Variants in DLGAP1 observed in about 807,000 individuals in gnomAD.
The protein encoded by DLGAP1 is DLG associated protein 1.
Under a neutral mutation model 90.8 loss-of-function variants are expected in DLGAP1, and 11 were observed. The observed-to-expected ratio is 0.12, with a 90% CI of 0.08 to 0.20. The LOEUF (loss-of-function observed/expected upper bound fraction) is 0.20, where lower values mean the gene tolerates loss of function less well. Ranked by LOEUF, DLGAP1 falls within the 10% of genes least tolerant of loss-of-function variation. The pLI, the probability that DLGAP1 is intolerant of heterozygous loss-of-function variation, is 1.00. For synonymous variants in DLGAP1, 558 were observed against 540.7 expected (o/e 1.03, Z -0.44); for missense variants, 1,050 against 1,333.8 (o/e 0.79, Z 3.31).
chr18:4,088,669 T>C (rs1011623513), intron 2 of DLGAP1, among the ~76,000 whole-genome samples: 3 of 152,156 alleles, frequency 2.0e-5, no homozygotes, highest in Non-Finnish European at 4.4e-5. Context: ...GAGTTGATTT[T>C]TTTCCTCCAG....
rs753330423 is a variant in DLGAP1, at chr18:3,597,763, G to A, written c.1592-15515C>T. On this transcript the variant is annotated intron_variant, in intron 7 of 12. Coordinates refer to ENST00000315677, the MANE Select transcript of DLGAP1 (RefSeq NM_004746.4). ...ACAGGATGCATGGTGAAGTGAAGAA[G>A]AAAGAAAATGCATCCACCGTTCCTT... 2.6e-4 allele frequency: 41 copies of A among 157,420 alleles called. 1 individual carries two copies. The highest frequency in any genetic ancestry group is 1.8e-4 in the Non-Finnish European group (13 of 71,688). 9.8% of individuals were successfully genotyped at this position (157,420 alleles called of 1,614,324 possible). A position where few individuals can be genotyped will look rare whatever the true frequency, so the allele number is the denominator to read the frequency against.
At chr18:4,407,965 A>G (rs1261315088) in intron 1 of DLGAP1, among the ~76,000 whole-genome samples, 1 of 152,208 alleles carries the variant, frequency 6.6e-6, no homozygotes, top group African/African-American at 2.4e-5. Context: ...AGCAGGTGCT[A>G]TCATACACTC....
intron 1 of DLGAP1, among the ~76,000 whole-genome samples, chr18:4,228,043 C>T (rs564504861): frequency 1.8e-4 from 27 of 150,842 alleles, no homozygotes; most frequent in South Asian, 8.3e-4. Context: ...CACTGAAATT[C>T]AAATGATCAT....
Position 4,454,165 on chromosome 18 carries a change from G to A in DLGAP1, c.-267+841C>T, listed in dbSNP as rs1407269105. ...CGCAGCAGCCGAAGTCCTGAAAGCA[G>A]GGTCTTCATCGCCGCGGGCCCTCCG... On this transcript the variant is annotated intron_variant, in intron 1 of 12. Coordinates refer to ENST00000315677, the MANE Select transcript of DLGAP1 (RefSeq NM_004746.4). This position sits in a 1 kb window ranked among gnomAD's most constrained non-coding sequence, Gnocchi z 4.7. 6.6e-6 allele frequency among the ~76,000 whole-genome samples: 1 copy of A among 152,230 alleles called. No individual in the cohort carries two copies. The highest frequency in any genetic ancestry group is 1.5e-5 in the Non-Finnish European group (1 of 68,048).
At chr18:3,811,629 G>C (rs540077262) in intron 5 of DLGAP1, among the ~76,000 whole-genome samples, 27 of 152,288 alleles carry the variant, frequency 1.8e-4, no homozygotes, top group Middle Eastern at 3.4e-3. Context: ...GTCTGAAGGA[G>C]CTGACCCTCT....
In DLGAP1 at chr18:3,498,240, T is replaced by C. The variant is rs928734050; in HGVS notation, c.*945A>G. 6.6e-6 allele frequency: 1 copy of C among 152,112 alleles called. No homozygotes were observed. Among genetic ancestry groups the C allele is most frequent in the South Asian group, 2.1e-4 (1 of 4,812 alleles). The allele number at this position is 152,112 out of a possible 1,614,324, so 9.4% of individuals were successfully genotyped here. On this transcript the variant is annotated 3_prime_UTR_variant, in exon 13 of 13. Transcript: ENST00000315677. The stretch of plus-strand genomic sequence containing the variant: ...CCTGGATGGACACTTAACAAATTAA[T>C]AGAACCAACACTTTCCCTTTAAAAA...
intron 1 of DLGAP1, among the ~76,000 whole-genome samples, chr18:4,329,562 T>A (rs536718685): frequency 6.6e-6 from 1 of 152,066 alleles, no homozygotes; most frequent in African/African-American, 2.4e-5. Context: ...TTCACTAGGA[T>A]TACATTGAAA....
chr18:4,331,981 A>G (rs2143738343), intron 1 of DLGAP1, among the ~76,000 whole-genome samples: 1 of 152,050 alleles, frequency 6.6e-6, no homozygotes, highest in Admixed American at 6.5e-5. Context: ...CAAGGAGCTT[A>G]CAATTCAATG....
chr18:3,838,692 C>G (rs903142678), intron 4 of DLGAP1, among the ~76,000 whole-genome samples: 4 of 152,042 alleles, frequency 2.6e-5, no homozygotes, highest in Non-Finnish European at 4.4e-5. Flanking sequence ...GATGCTTTAC[C>G]ATTACTTTTA....
At chr18:4,314,739 G>T (rs1232021495) in intron 1 of DLGAP1, among the ~76,000 whole-genome samples, 1 of 152,076 alleles carries the variant, frequency 6.6e-6, no homozygotes, top group African/African-American at 2.4e-5. Flanking sequence ...ACCTTCAGAG[G>T]GATTATGACA....
At chr18:4,237,665 G>A (rs1175907824) in intron 1 of DLGAP1, among the ~76,000 whole-genome samples, 1 of 151,416 alleles carries the variant, frequency 6.6e-6, no homozygotes, top group Non-Finnish European at 1.5e-5. Context: ...TTCAGCAAGA[G>A]GCCCTAAAAG....
chr18:4,412,576 CA>C (rs2082802989), intron 1 of DLGAP1, among the ~76,000 whole-genome samples: 1 of 152,000 alleles, frequency 6.6e-6, no homozygotes, highest in Non-Finnish European at 1.5e-5. Flanking sequence ...GGTCTAGGAC[CA>C]AGTATGGAGA....
intron 9 of DLGAP1, among the ~76,000 whole-genome samples, chr18:3,539,600 A>G (rs2052570219): frequency 1.3e-5 from 2 of 152,194 alleles, no homozygotes; most frequent in African/African-American, 4.8e-5. Flanking sequence ...AGGAGTTTCT[A>G]CCCTCTCCCA....
intron 1 of DLGAP1, among the ~76,000 whole-genome samples, chr18:4,238,943 A>G (rs73942740): frequency 1.3e-5 from 2 of 152,332 alleles, no homozygotes; most frequent in African/African-American, 4.8e-5. Flanking sequence ...AATCATCAAT[A>G]AAAACTTTTC....
At position 3,600,953 on chromosome 18, in the gene DLGAP1, T is replaced by TAGATATAGATATATAGATAG. The variant is rs1329556901; in HGVS notation, c.1592-18706_1592-18705insCTATCTATATATCTATATCT. ...ATAGATATATAGATAGATATATAGA[T>TAGATATAGATATATAGATAG]ATATATAGATATATAGATAGATATA... is the stretch of plus-strand genomic sequence containing the variant. On this transcript the variant is annotated intron_variant, in intron 7 of 12. Transcript: ENST00000315677. Among the ~76,000 whole-genome samples the TAGATATAGATATATAGATAG allele has an allele frequency of 1.8e-4, 11 of 60,410 alleles. 2 individuals are homozygous for TAGATATAGATATATAGATAG. Among genetic ancestry groups the TAGATATAGATATATAGATAG allele is most frequent in the Admixed American group, 5.2e-4 (3 of 5,824 alleles). The allele number at this position is 60,410 out of a possible 152,430, so 39.6% of individuals were successfully genotyped here.
chr18:4,109,304 A>G (rs1417663447), intron 2 of DLGAP1, among the ~76,000 whole-genome samples: 1 of 152,130 alleles, frequency 6.6e-6, no homozygotes, highest in Non-Finnish European at 1.5e-5. Flanking sequence ...CCACTAAAAT[A>G]ATCAACTTTT....
chr18:4,206,503 T>C (rs1325138374), intron 1 of DLGAP1, among the ~76,000 whole-genome samples: 2 of 152,152 alleles, frequency 1.3e-5, no homozygotes, highest in Admixed American at 6.5e-5. Flanking sequence ...GGGTCAGTGA[T>C]GCCCATGGGA....
intron 1 of DLGAP1, among the ~76,000 whole-genome samples, chr18:4,331,760 A>G (rs181374711): frequency 3.9e-5 from 6 of 151,964 alleles, no homozygotes; most frequent in African/African-American, 1.5e-4. Context: ...TTTCTTATCT[A>G]GAGCCTCTGC....
At chr18:3,950,132 A>G (rs1348124187) in intron 3 of DLGAP1, among the ~76,000 whole-genome samples, 1 of 152,216 alleles carries the variant, frequency 6.6e-6, no homozygotes, top group African/African-American at 2.4e-5. Flanking sequence ...CACTTAAAGA[A>G]TAATAGCTTG....
Sources: gnomAD v4.1 joint callset for allele counts (sites outside exome capture counted in the v4.1 genomes callset) on GRCh38, gnomAD v4.1.1 for gene constraint, Gnocchi (gnomAD v3.1) non-coding constraint, MANE v1.5 for transcripts, NCBI Gene and HGNC (gene_info 2026-07-23, HGNC 2026-07-21) for gene names.